Variants in YBX3 observed in about 807,000 individuals in gnomAD.
YBX3 encodes the protein Y-box binding protein 3.
Under a neutral mutation model 42.4 loss-of-function variants are expected in YBX3, and 29 were observed. The observed-to-expected ratio is 0.68, with a 90% CI of 0.51 to 0.93. The LOEUF is 0.93. YBX3 is among the 40% of genes least tolerant of loss of function. The pLI is 0.00. For synonymous variants in YBX3, 195 were observed against 189.8 expected (o/e 1.03, Z -0.22); for missense variants, 517 against 527.5 (o/e 0.98, Z 0.19).
chr12:10,722,788 G>T, intron 1 of YBX3, 62 bp downstream of exon 1: 1 of 1,321,330 alleles, frequency 7.6e-7, no homozygotes. Flanking sequence ...GCCCACACGT[G>T]CTCCGCGGCC....
Position 10,713,312 on chromosome 12 carries a change from T to A in YBX3, c.472A>T (p.Thr158Ser). The change falls in exon 5 of 10, where the codon ACT becomes TCT. Residue 158 changes from threonine to serine, a missense_variant. Around this residue, in one of 3 missense-constraint regions of YBX3, gnomAD observed 420 missense variants for 408.5 expected, o/e 1.03. Transcript: ENST00000228251. Reference sequence around the variant, plus strand: ...TCCACAGGAACTCCATCCGGGCCAGTCACATTGGCAGCTTCTGCACCCTGA... The same window carrying A: ...TCCACAGGAACTCCATCCGGGCCAGACACATTGGCAGCTTCTGCACCCTGA... The part of the protein sequence containing the change: ...GEKGAEAANV[T>S]GPDGVPVEGS... 1 of 1,613,986 alleles carries A rather than the reference T, an allele frequency of 6.2e-7. No homozygotes were observed. Among genetic ancestry groups the A allele is most frequent in the Non-Finnish European group, 8.5e-7 (1 of 1,180,014 alleles).
chr12:10,713,879 G>A (rs1022781638), intron 4 of YBX3, among the ~76,000 whole-genome samples: 6 of 152,162 alleles, frequency 3.9e-5, no homozygotes, highest in African/African-American at 1.4e-4. Context: ...TCCTTCTTTA[G>A]CCTTTCCTAT....
intron 9 of YBX3, 82 bp downstream of exon 9, chr12:10,701,172 A>G (rs1364624580): frequency 1.4e-6 from 1 of 712,726 alleles, no homozygotes; most frequent in Non-Finnish European, 2.6e-6. Flanking sequence ...GAACTAGTTT[A>G]GACTAATTTG....
chr12:10,701,160 C>T (rs2120895382), intron 9 of YBX3, 94 bp downstream of exon 9: 1 of 677,664 alleles, frequency 1.5e-6, no homozygotes, highest in Non-Finnish European at 2.7e-6. Context: ...AGATGAACTG[C>T]AGAACTAGTT....
intron 6 of YBX3, among the ~76,000 whole-genome samples, chr12:10,708,552 G>A (rs1315951610): frequency 1.3e-5 from 2 of 152,172 alleles, no homozygotes; most frequent in Non-Finnish European, 2.9e-5. Context: ...CAGAGAGCTA[G>A]TAGATATTAT....
intron 5 of YBX3, chr12:10,710,987 C>T (rs1948193826): frequency 6.5e-6 from 1 of 153,862 alleles, no homozygotes; most frequent in Non-Finnish European, 1.4e-5. Context: ...ATAAACAGAT[C>T]CCAAAATCAG....
At chr12:10,715,079 A>G (rs1030684245) in intron 4 of YBX3, among the ~76,000 whole-genome samples, 1 of 152,172 alleles carries the variant, frequency 6.6e-6, no homozygotes, top group Admixed American at 6.5e-5. Context: ...TTGTTAATAC[A>G]TAAGATAGTT....
At chr12:10,705,323 G>A (rs1478029016) in intron 6 of YBX3, among the ~76,000 whole-genome samples, 2 of 152,044 alleles carry the variant, frequency 1.3e-5, no homozygotes, top group African/African-American at 4.8e-5. Context: ...TCAATCTCTT[G>A]ACCTCGTGAT....
At position 10,719,436 on chromosome 12, in the gene YBX3, A is replaced by T. The variant is rs535926527; in HGVS notation, c.263-293T>A. Among the ~76,000 whole-genome samples, 53 of 152,326 alleles carry T rather than the reference A, an allele frequency of 3.5e-4. No individual in the cohort carries two copies. Among genetic ancestry groups the T allele is most frequent in the Non-Finnish European group, 6.8e-4 (46 of 68,024 alleles). ...AATCATTAAAATTGAGAAACACTGA[A>T]GGAAAAAAAGAATGTTCAAGATGAA... On this transcript the variant is annotated intron_variant, in intron 1 of 9. Coordinates refer to ENST00000228251, the MANE Select transcript of YBX3 (RefSeq NM_003651.5).
chr12:10,716,652 T>C (rs761866071), intron 3 of YBX3, among the ~76,000 whole-genome samples: 2 of 152,210 alleles, frequency 1.3e-5, no homozygotes, highest in Non-Finnish European at 2.9e-5. Flanking sequence ...TCTATGGAAC[T>C]AGGTCAACCT....
At chr12:10,706,205 AGTT>A (rs1390497849) in intron 6 of YBX3, among the ~76,000 whole-genome samples, 1 of 152,216 alleles carries the variant, frequency 6.6e-6, no homozygotes, top group Non-Finnish European at 1.5e-5. Context: ...TGGCTTTAGA[AGTT>A]GTTGGTGAGG....
intron 4 of YBX3, among the ~76,000 whole-genome samples, chr12:10,714,060 A>C (rs545494908): frequency 1.1e-4 from 17 of 152,290 alleles, no homozygotes; most frequent in Admixed American, 6.5e-4. Flanking sequence ...TCAACCCAAA[A>C]CAATTTTTTA....
rs748025351 is a variant in YBX3, at chr12:10,713,252, TGTAACGGCGCCGATCTGCAGC to T, written c.511_531del (p.Ala171_Tyr177del). 1 of 1,613,978 alleles carries T rather than the reference TGTAACGGCGCCGATCTGCAGC, an allele frequency of 6.2e-7. No homozygotes were observed. Among genetic ancestry groups the T allele is most frequent in the Non-Finnish European group, 8.5e-7 (1 of 1,180,042 alleles). On this transcript the variant is annotated inframe_deletion, in exon 5 of 10. Transcript: ENST00000228251. ...CGGCGCCTTCCATAGTAGCCACGTCTGTAACGGCGCCGATCTGCAGCGTAACGACTCCCTTCCACAGGAACT... is the reference window on the plus strand; with the variant it reads ...CGGCGCCTTCCATAGTAGCCACGTCTGTAACGACTCCCTTCCACAGGAACT...
At chr12:10,719,560 A>G (rs1001263038) in intron 1 of YBX3, among the ~76,000 whole-genome samples, 1 of 152,236 alleles carries the variant, frequency 6.6e-6, no homozygotes, top group African/African-American at 2.4e-5. Flanking sequence ...ACTTGGAAAT[A>G]TTAGGCAAAC....
intron 7 of YBX3, 133 bp from the exon 8 acceptor site, chr12:10,702,267 T>C (rs777692817): frequency 1.3e-5 from 11 of 843,462 alleles, no homozygotes; most frequent in Non-Finnish European, 1.9e-5. Flanking sequence ...ACCCCTGTAA[T>C]CCCAGCACTT....
chr12:10,715,861 GA>G, intron 3 of YBX3, 78 bp from the exon 4 acceptor site: 2 of 1,204,130 alleles, frequency 1.7e-6, no homozygotes, highest in Non-Finnish European at 2.4e-6. Flanking sequence ...AAGTACACCA[GA>G]GTGAACTTGA....
intron 7 of YBX3, chr12:10,703,098 G>A (rs998871938): frequency 2.6e-5 from 4 of 152,184 alleles, no homozygotes; most frequent in Non-Finnish European, 2.9e-5. Flanking sequence ...TATTTTCAAA[G>A]TCCCTAGTAC....
chr12:10,709,680 A>G (rs1948175744), intron 6 of YBX3, among the ~76,000 whole-genome samples: 1 of 152,236 alleles, frequency 6.6e-6, no homozygotes, highest in Non-Finnish European at 1.5e-5. Context: ...AACTTTGGCC[A>G]TAAGGGTTCC....
chr12:10,714,988 G>A (rs1196287247), intron 4 of YBX3, among the ~76,000 whole-genome samples: 2 of 151,906 alleles, frequency 1.3e-5, no homozygotes, highest in Non-Finnish European at 2.9e-5. Flanking sequence ...GACCTCAGGA[G>A]ATCCGCCTGC....
Sources: allele counts gnomAD v4.1 joint callset (sites outside exome capture counted in the v4.1 genomes callset), GRCh38; gene constraint gnomAD v4.1.1; regional missense constraint gnomAD v4.1.1; transcripts MANE v1.5; gene names NCBI Gene and HGNC (gene_info 2026-07-23, HGNC 2026-07-21).